WDFY4: variants seen among roughly 807,000 people sequenced by gnomAD.
WDFY4 encodes WDFY family member 4.
In WDFY4, 169 loss-of-function variants were observed where a neutral mutation model predicts 351.9. That is an observed-to-expected ratio of 0.48 (90% confidence interval 0.42 to 0.55). The LOEUF (loss-of-function observed/expected upper bound fraction) is 0.55, where lower values mean the gene tolerates loss of function less well. WDFY4 is among the 20% of genes least tolerant of loss of function. The probability of loss-of-function intolerance (pLI) is 0.00; values close to 1 mark genes in which losing one functional copy is unlikely to be tolerated. For synonymous variants in WDFY4, 1,622 were observed against 1,574.6 expected (o/e 1.03, Z -0.71); for missense variants, 3,803 against 3,935.6 (o/e 0.97, Z 0.90).
intron 51 of WDFY4, among the ~76,000 whole-genome samples, chr10:48,949,825 C>T (rs955822480): frequency 2.0e-5 from 3 of 152,158 alleles, no homozygotes; most frequent in Non-Finnish European, 4.4e-5. Context: ...CCAGCATCCC[C>T]AGGGCTGCGT....
chr10:48,822,665 A>G, intron 35 of WDFY4, 128 bp downstream of exon 35: 3 of 1,225,058 alleles, frequency 2.4e-6, no homozygotes, highest in Non-Finnish European at 3.2e-6. Context: ...GGGAGGAAGC[A>G]GGAGGCCCTT....
chr10:48,864,045 A>T (rs950613309), intron 39 of WDFY4, among the ~76,000 whole-genome samples: 3 of 152,110 alleles, frequency 2.0e-5, no homozygotes, highest in Non-Finnish European at 4.4e-5. Flanking sequence ...AATGATGGGG[A>T]TTTGGGGGAT....
At chr10:48,753,991 T>C (rs1450070087) in intron 12 of WDFY4, among the ~76,000 whole-genome samples, 1 of 152,200 alleles carries the variant, frequency 6.6e-6, no homozygotes, top group African/African-American at 2.4e-5. Flanking sequence ...TGAGATTTTG[T>C]CAAATGCTCT....
chr10:48,719,997 A>G lies in WDFY4; in HGVS notation c.235-14A>G. On this transcript the variant is annotated splice_polypyrimidine_tract_variant and intron_variant, in intron 2 of 61. Transcript: ENST00000325239. ...GCATTGCTATCTCTGACCAAGTCCC[A>G]TCTGTTGCTTCAGGCCTGGGAACAC... is the stretch of plus-strand genomic sequence containing the variant. 6.4e-7 allele frequency: 1 copy of G among 1,550,974 alleles called. No individual in the cohort carries two copies. Among genetic ancestry groups the G allele is most frequent in the Non-Finnish European group, 8.7e-7 (1 of 1,146,398 alleles).
intron 39 of WDFY4, among the ~76,000 whole-genome samples, chr10:48,863,226 G>A (rs1025737546): frequency 2.1e-4 from 32 of 152,204 alleles, no homozygotes; most frequent in Admixed American, 2.1e-3. Flanking sequence ...TGGAATTGCT[G>A]AGTCAATGAC....
At chr10:48,955,002 T>A (rs1253269499) in intron 51 of WDFY4, among the ~76,000 whole-genome samples, 1 of 152,212 alleles carries the variant, frequency 6.6e-6, no homozygotes, top group Non-Finnish European at 1.5e-5. Flanking sequence ...GGTAACCTTT[T>A]TATTACCAAA....
At chr10:48,978,922 G>A (rs1394186808) in intron 60 of WDFY4, 1 of 152,498 alleles carries the variant, frequency 6.6e-6, no homozygotes, top group Non-Finnish European at 1.5e-5. Context: ...GAATTTCCCA[G>A]ATTTCTGAGG....
chr10:48,721,508 T>C, intron 4 of WDFY4, 141 bp downstream of exon 4: 3 of 767,492 alleles, frequency 3.9e-6, no homozygotes, highest in African/African-American at 1.7e-5. Context: ...CTCCTCCCCT[T>C]CTGGTGTAGA....
At chr10:48,947,886 T>A (rs1463035140) in intron 51 of WDFY4, among the ~76,000 whole-genome samples, 1 of 152,176 alleles carries the variant, frequency 6.6e-6, no homozygotes, top group East Asian at 1.9e-4. Context: ...GAGAAAGGCA[T>A]GAGCTGGGAT....
At chr10:48,818,266 T>C (rs1455484377) in intron 32 of WDFY4, among the ~76,000 whole-genome samples, 1 of 152,192 alleles carries the variant, frequency 6.6e-6, no homozygotes, top group Non-Finnish European at 1.5e-5. Flanking sequence ...CAATGCTACA[T>C]AGGGGGGTTT....
At chr10:48,795,344 G>T (rs983261803) in intron 23 of WDFY4, among the ~76,000 whole-genome samples, 2 of 151,596 alleles carry the variant, frequency 1.3e-5, no homozygotes, top group African/African-American at 4.9e-5. Flanking sequence ...GAAGGACAGA[G>T]TTGGATTGCC....
intron 11 of WDFY4, among the ~76,000 whole-genome samples, chr10:48,742,079 T>C (rs934500116): frequency 2.0e-5 from 3 of 151,696 alleles, no homozygotes; most frequent in Non-Finnish European, 2.9e-5. Flanking sequence ...TTCCTTCCAA[T>C]AGCATGTACT....
chr10:48,935,569 G>A (rs1158075317), intron 47 of WDFY4, among the ~76,000 whole-genome samples: 6 of 152,184 alleles, frequency 3.9e-5, no homozygotes, highest in African/African-American at 1.4e-4. Context: ...CCCTTTCTTC[G>A]AATTTGTGCA....
intron 12 of WDFY4, among the ~76,000 whole-genome samples, chr10:48,748,924 A>C (rs2065094379): frequency 6.6e-6 from 1 of 152,206 alleles, no homozygotes; most frequent in Non-Finnish European, 1.5e-5. Flanking sequence ...GGAGGGAAAG[A>C]GGCCGTGGGC....
Position 48,731,292 on chromosome 10 carries a change from C to T in WDFY4, c.1312C>T (p.Pro438Ser), listed in dbSNP as rs1241932639. The change falls in exon 9 of 62, where the codon CCC becomes TCC. Residue 438 changes from proline to serine, a missense_variant. Physicochemically the swap from Pro to Ser is moderately conservative, Grantham distance 74. This residue lies in a region of WDFY4 where 261 missense variants were observed against 330.2 expected (regional missense o/e 0.79). Transcript: ENST00000325239. Reference protein sequence around the residue: ...QPISQFVEIMPLKPAPVQEHF... With the variant: ...QPISQFVEIMSLKPAPVQEHF... ...CATCTCGCAGTTTGTAGAGATCATG[C>T]CCCTGAAGCCGGCCCCAGTGCAGGA... is the stretch of plus-strand genomic sequence containing the variant. 6.4e-7 allele frequency: 1 copy of T among 1,551,926 alleles called. No homozygotes were observed. The highest frequency in any genetic ancestry group is 1.2e-5 in the South Asian group (1 of 84,066).
intron 2 of WDFY4, among the ~76,000 whole-genome samples, chr10:48,713,538 G>A (rs907972479): frequency 6.6e-6 from 1 of 152,214 alleles, no homozygotes; most frequent in Non-Finnish European, 1.5e-5. Flanking sequence ...AGTGGCTGCA[G>A]GGGTGCTAAC....
At chr10:48,973,757 C>G (rs1842433078) in intron 57 of WDFY4, among the ~76,000 whole-genome samples, 2 of 152,154 alleles carry the variant, frequency 1.3e-5, no homozygotes, top group Non-Finnish European at 2.9e-5. Flanking sequence ...CCACTTTGGC[C>G]CCTTGGGGAA....
Position 48,743,268 on chromosome 10 carries a change from G to A in WDFY4, c.2179G>A (p.Glu727Lys). Residue 727 changes from glutamate to lysine, a missense_variant, in exon 12 of 62, where the codon GAG becomes AAG. Transcript: ENST00000325239. ...GGGCTGTTTTGGAGCCCTGGAGGAA[G>A]AGGGCAACCTGCTGCGCTCTTGGGT... ...LLGCFGALEE[E>K]GNLLRSWVDT... 1.9e-6 allele frequency: 3 copies of A among 1,551,730 alleles called. No homozygotes were observed. The highest frequency in any genetic ancestry group is 2.4e-5 in the South Asian group (2 of 84,070).
chr10:48,974,527 A>AAAAAAAAAAC lies in WDFY4; in HGVS notation c.8929-333_8929-332insAAAAAAACAA. 7.3e-4 allele frequency among the ~76,000 whole-genome samples: 17 copies of AAAAAAAAAAC among 23,192 alleles called. 3 individuals carry two copies. The highest frequency in any genetic ancestry group is 1.2e-3 in the Admixed American group (2 of 1,670). The allele number at this position is 23,192 out of a possible 152,430, so 15.2% of individuals were successfully genotyped here. On this transcript the variant is annotated intron_variant, in intron 57 of 61. Coordinates refer to ENST00000325239, the MANE Select transcript of WDFY4 (RefSeq NM_001394531.1). ...CAAAAAAAAAAAAAAAAAAAAAAAAAAACAACTCATGACATGAACTGCTCC... is the reference window on the plus strand; with the variant it reads ...CAAAAAAAAAAAAAAAAAAAAAAAAAAAAAAAAAACAACAACTCATGACATGAACTGCTCC...
Sources: gnomAD v4.1 joint callset for allele counts (sites outside exome capture counted in the v4.1 genomes callset) on GRCh38, gnomAD v4.1.1 for gene constraint, gnomAD v4.1.1 regional missense constraint, MANE v1.5 for transcripts, NCBI Gene and HGNC (gene_info 2026-07-23, HGNC 2026-07-21) for gene names.